RPUSD4: variants seen among roughly 807,000 people sequenced by gnomAD.
The protein encoded by RPUSD4 is pseudouridylate synthase RPUSD4, mitochondrial.
RPUSD4 carries 37 observed loss-of-function variants against 35.4 expected under a neutral mutation model. The observed-to-expected ratio is 1.04, with a 90% confidence interval of 0.80 to 1.37. The LOEUF is 1.37. Among genes scored for constraint, RPUSD4 ranks in the 40% most tolerant of loss-of-function variants. RPUSD4 has a pLI of 0.00. For synonymous variants in RPUSD4, 210 were observed against 192.7 expected (o/e 1.09, Z -0.74); for missense variants, 507 against 484.9 (o/e 1.05, Z -0.43).
intron 3 of RPUSD4, chr11:126,208,606 G>T (rs631372): frequency 0.73 from 110,630 of 152,142 alleles, 41,297 homozygotes; most frequent in East Asian, 1. Flanking sequence ...AGACATAGAG[G>T]TGAGCAGAGG....
rs1271006433 is a variant in RPUSD4 at position 126,205,708 on chromosome 11, C to G, written c.631G>C (p.Gly211Arg). ...DIPIVEKEAQ[G>R]QQQHHKMTLS... ...CTCACCTTGTGGTGTTGCTGCTGGC[C>G]TTGCGCCTCCTTCTCCACAATGGGG... Residue 211 changes from glycine (G) to arginine (R), a missense_variant, in exon 4 of 7, where the codon GGC becomes CGC. Physicochemically the swap from Gly to Arg is moderately radical, Grantham distance 125. Coordinates refer to ENST00000298317, the MANE Select transcript of RPUSD4 (RefSeq NM_032795.3). 2.5e-6 allele frequency: 4 copies of G among 1,613,448 alleles called. No homozygotes were observed. Among genetic ancestry groups the G allele is most frequent in the Non-Finnish European group, 3.4e-6 (4 of 1,179,550 alleles).
At chr11:126,210,617 C>A (rs1369584432) in intron 2 of RPUSD4, among the ~76,000 whole-genome samples, 1 of 151,842 alleles carries the variant, frequency 6.6e-6, no homozygotes, top group Non-Finnish European at 1.5e-5. Context: ...TAGTCTAGAA[C>A]CACACAGCCT....
rs372087982 is a variant in RPUSD4 at position 126,205,453 on chromosome 11, A to G, written c.796+15T>C. On this transcript the variant is annotated intron_variant, in intron 5 of 6. Transcript: ENST00000298317. ...AGGGTTTTGTGATCCCACTGCGGAA[A>G]AGTGACACTCTCACCAGTGATGGGC... The G allele has an allele frequency of 6.2e-7, 1 of 1,613,920 alleles. No homozygotes were observed. Among genetic ancestry groups the G allele is most frequent in the Non-Finnish European group, 8.5e-7 (1 of 1,179,806 alleles).
chr11:126,206,102 G>T, intron 3 of RPUSD4: 1 of 198,344 alleles, frequency 5.0e-6, no homozygotes. Flanking sequence ...TGGTAATATA[G>T]TTTTGTATTT....
At chr11:126,204,986 A>T (rs1209069760) in intron 5 of RPUSD4, among the ~76,000 whole-genome samples, 1 of 149,990 alleles carries the variant, frequency 6.7e-6, no homozygotes, top group African/African-American at 2.5e-5. Context: ...TACTTAGCAT[A>T]ATGTTTTCAA....
At chr11:126,209,434 A>G in intron 3 of RPUSD4, 87 bp downstream of exon 3, 1 of 1,134,394 alleles carries the variant, frequency 8.8e-7, no homozygotes, top group Non-Finnish European at 1.3e-6. Context: ...GCCTTCTATT[A>G]ATGGGAGTTT....
In RPUSD4 at chr11:126,209,515, T is replaced by G; in HGVS notation, c.557+6A>C. 6.2e-7 allele frequency: 1 copy of G among 1,613,454 alleles called. No homozygotes were observed. The highest frequency in any genetic ancestry group is 8.5e-7 in the Non-Finnish European group (1 of 1,179,364). ...CCACCTCTACTGCCATCAGCAGGCC[T>G]CATACCAGTACTTCTTCACCACCTG... is the stretch of plus-strand genomic sequence containing the variant. On this transcript the variant is annotated splice_donor_region_variant and intron_variant, in intron 3 of 6. Coordinates refer to ENST00000298317, the MANE Select transcript of RPUSD4 (RefSeq NM_032795.3).
chr11:126,208,458 G>C (rs1949797841), intron 3 of RPUSD4, among the ~76,000 whole-genome samples: 1 of 152,214 alleles, frequency 6.6e-6, no homozygotes, highest in Non-Finnish European at 1.5e-5. Flanking sequence ...GTTTACAGAA[G>C]ACACCAGTCA....
intron 2 of RPUSD4, among the ~76,000 whole-genome samples, chr11:126,210,549 ACC>A (rs869069589): frequency 0.012 from 1,683 of 145,160 alleles, 17 homozygotes; most frequent in Middle Eastern, 0.021. Flanking sequence ...ACACACACAC[ACC>A]CCCTTTTTTC....
chr11:126,203,286 T>G lies in RPUSD4; in HGVS notation c.*132A>C, dbSNP rs1449457001. The G allele has an allele frequency of 1.8e-5, 25 of 1,366,912 alleles. No homozygotes were observed. Among genetic ancestry groups the G allele is most frequent in the Non-Finnish European group, 2.5e-5 (25 of 1,002,168 alleles). The allele number at this position is 1,366,912 out of a possible 1,614,324, so 84.7% of individuals were successfully genotyped here. On this transcript the variant is annotated 3_prime_UTR_variant, in exon 7 of 7. Transcript: ENST00000298317. ...CTTATCCCACCTGGCTCTTACGCAG[T>G]CTGTTCCAAGTGAGAAGTTAGCAGA...
intron 2 of RPUSD4, 64 bp from the exon 3 acceptor site, chr11:126,209,786 G>T: frequency 7.2e-7 from 1 of 1,386,996 alleles, no homozygotes; most frequent in Non-Finnish European, 1.0e-6. Context: ...AACTCTCCTT[G>T]GGAGAAAAGC....
Position 126,203,230 on chromosome 11 carries a change from T to C in RPUSD4, c.*188A>G. The stretch of plus-strand genomic sequence containing the variant: ...TCAGTAAATAGACTTTGTTCTCCAT[T>C]AAAAGCCCTGTAGCAGCTGAGTTGC... On this transcript the variant is annotated 3_prime_UTR_variant, in exon 7 of 7. Transcript: ENST00000298317. 1.3e-6 allele frequency: 1 copy of C among 753,126 alleles called. No individual in the cohort carries two copies. Among genetic ancestry groups the C allele is most frequent in the Non-Finnish European group, 2.1e-6 (1 of 475,454 alleles). 46.7% of individuals were successfully genotyped at this position (753,126 alleles called of 1,614,324 possible).
At chr11:126,207,872 A>T (rs1463752666) in intron 3 of RPUSD4, among the ~76,000 whole-genome samples, 7 of 152,178 alleles carry the variant, frequency 4.6e-5, no homozygotes, top group African/African-American at 1.2e-4. Context: ...CTTAAATAAA[A>T]AAAAATAATA....
In RPUSD4 at chr11:126,211,612, C is replaced by A; in HGVS notation, c.27G>T (p.Ser9=). 1 of 1,613,760 alleles carries A rather than the reference C, an allele frequency of 6.2e-7. No individual in the cohort carries two copies. The highest frequency in any genetic ancestry group is 8.5e-7 in the Non-Finnish European group (1 of 1,179,960). The change falls in exon 1 of 7, where the codon TCG becomes TCT. Residue 9 remains serine, a synonymous_variant. Transcript: ENST00000298317. MAAPRWSA[S]GPWIRGNGQG... The stretch of plus-strand genomic sequence containing the variant: ...GGCCGTTTCCCCGGATCCAGGGGCC[C>A]GACGCGCTCCACCTGGGCGCCGCCA...
At position 126,205,550 on chromosome 11, in the gene RPUSD4, C is replaced by G; in HGVS notation, c.714G>C (p.Arg238=). The G allele has an allele frequency of 6.2e-7, 1 of 1,614,266 alleles. No homozygotes were observed. Among genetic ancestry groups the G allele is most frequent in the Non-Finnish European group, 8.5e-7 (1 of 1,180,046 alleles). The change falls in exon 5 of 7, where the codon CGG becomes CGC. Residue 238 remains arginine, a synonymous_variant. Transcript: ENST00000298317. ...DGKMVKVRRS[R]NAQVAVTQYQ... is the part of the protein sequence containing the mutation. The stretch of plus-strand genomic sequence containing the variant: ...ACTGAGTTACAGCAACTTGCGCATT[C>G]CGGCTGCGCCGCACTTTCACCATTT...
At chr11:126,211,230 G>T in intron 1 of RPUSD4, 175 bp from the exon 2 acceptor site, 2 of 927,626 alleles carry the variant, frequency 2.2e-6, no homozygotes, top group South Asian at 1.6e-5. Context: ...GCGTACCGAC[G>T]CAGTGGTTAG....
In RPUSD4 at chr11:126,209,564, C is replaced by T; in HGVS notation, c.514G>A (p.Val172Ile). ...TGACGGGTTCTAAACAACTCTTGGA[C>T]TTGATGTGCCATGTCCTTGTCCCAA... ...LAWDKDMAHQVQELFRTRQVV... is the reference protein window; with the variant it reads ...LAWDKDMAHQIQELFRTRQVV... The change falls in exon 3 of 7, where the codon GTC becomes ATC. Residue 172 changes from valine (V) to isoleucine (I), a missense_variant. Coordinates refer to ENST00000298317, the MANE Select transcript of RPUSD4 (RefSeq NM_032795.3). The T allele has an allele frequency of 6.2e-7, 1 of 1,614,234 alleles. No individual in the cohort carries two copies. The highest frequency in any genetic ancestry group is 8.5e-7 in the Non-Finnish European group (1 of 1,180,044).
At chr11:126,206,076 A>G (rs1419213842) in intron 3 of RPUSD4, 1 of 253,430 alleles carries the variant, frequency 3.9e-6, no homozygotes, top group Non-Finnish European at 7.4e-6. Context: ...GGATATGTAC[A>G]GTTAAAATAA....
chr11:126,210,137 G>T (rs1050487210), intron 2 of RPUSD4, among the ~76,000 whole-genome samples: 3 of 151,978 alleles, frequency 2.0e-5, no homozygotes, highest in Non-Finnish European at 2.9e-5. Context: ...CCATTTTTTT[G>T]ACCTTGGACA....
Sources: gnomAD v4.1 joint callset for allele counts (sites outside exome capture counted in the v4.1 genomes callset) on GRCh38, gnomAD v4.1.1 for gene constraint, MANE v1.5 for transcripts, NCBI Gene and HGNC (gene_info 2026-07-23, HGNC 2026-07-21) for gene names.